MYO5A: variants seen among roughly 807,000 people sequenced by gnomAD.
MYO5A encodes myosin VA.
In MYO5A, 98 loss-of-function variants were observed where a neutral mutation model predicts 249.7. The ratio of observed to expected loss-of-function variants is 0.39; its 90% CI spans 0.33 to 0.46. The LOEUF is 0.46. Among genes scored for constraint, MYO5A ranks in the 20% least tolerant of loss-of-function variants. MYO5A has a pLI of 0.98. For missense variants in MYO5A, 1,696 were observed against 2,308.8 expected (o/e 0.73, Z 5.44); for synonymous variants, 778 against 810.6 (o/e 0.96, Z 0.68).
intron 16 of MYO5A, among the ~76,000 whole-genome samples, chr15:52,381,242 T>A (rs11638118): frequency 0.052 from 7,929 of 152,214 alleles, 249 homozygotes; most frequent in South Asian, 0.093. Context: ...CTGAGGGCTG[T>A]CCAGGACAGA....
At chr15:52,337,683 A>T in intron 33 of MYO5A, 127 bp downstream of exon 33, 1 of 611,222 alleles carries the variant, frequency 1.6e-6, no homozygotes. Flanking sequence ...AGCTGTGGGG[A>T]GAAACAGGTT....
intron 38 of MYO5A, 31 bp from the exon 39 acceptor site, chr15:52,319,373 T>C: frequency 1.2e-6 from 2 of 1,608,952 alleles, no homozygotes; most frequent in South Asian, 2.2e-5. Flanking sequence ...TTAGAGGAGA[T>C]GATGTGGAAG....
At chr15:52,427,079 G>A (rs1428658357) in intron 3 of MYO5A, among the ~76,000 whole-genome samples, 1 of 151,950 alleles carries the variant, frequency 6.6e-6, no homozygotes, top group African/African-American at 2.4e-5. Flanking sequence ...AAAGAGAAAG[G>A]ATGTAAATCA....
intron 28 of MYO5A, among the ~76,000 whole-genome samples, chr15:52,350,152 T>C (rs992562428): frequency 5.3e-5 from 8 of 152,176 alleles, no homozygotes; most frequent in Admixed American, 1.3e-4. Context: ...CAGGATGGTC[T>C]CGATCTCCTG....
chr15:52,326,596 T>C (rs766313168), intron 36 of MYO5A, among the ~76,000 whole-genome samples: 4 of 152,034 alleles, frequency 2.6e-5, no homozygotes, highest in Non-Finnish European at 5.9e-5. Flanking sequence ...TGTGTTTCAG[T>C]TGGGGAGAAT....
chr15:52,405,177 G>A (rs2141216623), intron 9 of MYO5A, 110 bp downstream of exon 9: 2 of 811,576 alleles, frequency 2.5e-6, no homozygotes, highest in Non-Finnish European at 4.2e-6. Flanking sequence ...TGATAATTAT[G>A]TTTCTGATAA....
At chr15:52,355,107 A>G (rs1307847627) in intron 25 of MYO5A, among the ~76,000 whole-genome samples, 1 of 152,226 alleles carries the variant, frequency 6.6e-6, no homozygotes, top group African/African-American at 2.4e-5. Context: ...CCATATTTAA[A>G]TTGTTTACAA....
Position 52,376,556 on chromosome 15 carries a change from G to A in MYO5A, c.2211C>T (p.Asp737=). ...TCTTACCAAACTGGTATTTGTCCTT[G>A]TCCTATTTTTGGAAGAAATTGTATA... ...CKNVLEKLIL[D]KDKYQFGKTK... The change falls in exon 19 of 42, where the codon GAC becomes GAT. Residue 737 remains aspartate, a splice_region_variant and synonymous_variant. Coordinates refer to ENST00000399233, the MANE Select transcript of MYO5A (RefSeq NM_001382347.1). 6.2e-7 allele frequency: 1 copy of A among 1,613,676 alleles called. No individual in the cohort carries two copies. Among genetic ancestry groups the A allele is most frequent in the South Asian group, 1.1e-5 (1 of 91,066 alleles).
chr15:52,416,072 G>T, intron 5 of MYO5A, 73 bp downstream of exon 5: 2 of 1,547,324 alleles, frequency 1.3e-6, no homozygotes, highest in Non-Finnish European at 1.8e-6. Flanking sequence ...GAGACATGCT[G>T]TATCAATCAA....
intron 1 of MYO5A, among the ~76,000 whole-genome samples, chr15:52,458,820 T>C (rs1351444913): frequency 6.6e-6 from 1 of 152,026 alleles, no homozygotes; most frequent in African/African-American, 2.4e-5. Context: ...ATAAATTAAT[T>C]TTTCAAAAGG....
chr15:52,353,475 T>C (rs1335782883), intron 27 of MYO5A, 130 bp downstream of exon 27: 2 of 778,508 alleles, frequency 2.6e-6, no homozygotes, highest in Non-Finnish European at 4.5e-6. Context: ...TAATGCTGAA[T>C]AAGGCTGAAG....
chr15:52,322,118 G>A (rs1021685061), intron 37 of MYO5A, among the ~76,000 whole-genome samples: 5 of 152,216 alleles, frequency 3.3e-5, no homozygotes, highest in Admixed American at 6.5e-5. Flanking sequence ...AGTTTAACAC[G>A]TTGTTTGCCT....
chr15:52,348,837 C>A lies in MYO5A; in HGVS notation c.3850-11G>T, dbSNP rs778327950. On this transcript the variant is annotated splice_polypyrimidine_tract_variant and intron_variant, in intron 28 of 41. Coordinates refer to ENST00000399233, the MANE Select transcript of MYO5A (RefSeq NM_001382347.1). Reference sequence around the variant, plus strand: ...AATTACCTTGTCATCCTGAGAATCACAAGTCAGCAAGCACAAAAAACAGAG... The same window carrying A: ...AATTACCTTGTCATCCTGAGAATCAAAAGTCAGCAAGCACAAAAAACAGAG... 16 of 1,589,718 alleles carry A rather than the reference C, an allele frequency of 1.0e-5. No individual in the cohort carries two copies. In the South Asian group the frequency reaches 1.8e-4, roughly 18 times the overall value.
At chr15:52,382,052 G>C (rs1020749038) in intron 16 of MYO5A, among the ~76,000 whole-genome samples, 1 of 151,830 alleles carries the variant, frequency 6.6e-6, no homozygotes, top group Non-Finnish European at 1.5e-5. Context: ...ACAGGCGCCC[G>C]CCACTACACC....
chr15:52,524,976 G>A (rs1328642879), intron 1 of MYO5A, among the ~76,000 whole-genome samples: 2 of 151,758 alleles, frequency 1.3e-5, no homozygotes, highest in Non-Finnish European at 2.9e-5. Flanking sequence ...CATGATGACA[G>A]GAGGAATAGC....
At chr15:52,368,139 CTT>C (rs1172380101) in intron 22 of MYO5A, among the ~76,000 whole-genome samples, 1 of 152,146 alleles carries the variant, frequency 6.6e-6, no homozygotes, top group Admixed American at 6.5e-5. Context: ...AGGCAAATCT[CTT>C]GTCATGTCAG....
At chr15:52,339,697 C>A (rs976630101) in intron 32 of MYO5A, among the ~76,000 whole-genome samples, 3 of 152,164 alleles carry the variant, frequency 2.0e-5, no homozygotes, top group Non-Finnish European at 4.4e-5. Flanking sequence ...GACCTGGGAG[C>A]TCCATCCAAC....
intron 34 of MYO5A, 84 bp downstream of exon 34, chr15:52,336,379 T>C: frequency 1.0e-5 from 9 of 890,860 alleles, no homozygotes; most frequent in Non-Finnish European, 1.6e-5. Context: ...TGCAAACCTC[T>C]ATTAGGCCAC....
intron 4 of MYO5A, 90 bp from the exon 5 acceptor site, chr15:52,416,391 G>A (rs2043487193): frequency 1.4e-6 from 2 of 1,413,044 alleles, no homozygotes; most frequent in East Asian, 2.4e-5. Flanking sequence ...GGAAGTAGGG[G>A]GCTAATTAAT....
Sources: gnomAD v4.1 joint callset for allele counts (sites outside exome capture counted in the v4.1 genomes callset) on GRCh38, gnomAD v4.1.1 for gene constraint, MANE v1.5 for transcripts, NCBI Gene and HGNC (gene_info 2026-07-23, HGNC 2026-07-21) for gene names.